LRRC9: variants seen among roughly 807,000 people sequenced by gnomAD.
LRRC9 encodes leucine-rich repeat-containing protein 9.
In LRRC9, 122 loss-of-function variants were observed where a neutral mutation model predicts 63.2. The observed-to-expected ratio is 1.93, with a 90% CI of 1.67 to 2.24. The LOEUF (loss-of-function observed/expected upper bound fraction) is 2.24, where lower values mean the gene tolerates loss of function less well. Ranked by LOEUF, LRRC9 falls within the 30% of genes most tolerant of loss-of-function variation. LRRC9 has a pLI of 0.00. For missense variants in LRRC9, 1,071 were observed against 627.7 expected, an observed-to-expected ratio of 1.71 and a Z score of -7.55; for synonymous variants, 366 against 213.1, an observed-to-expected ratio of 1.72 and a Z score of -6.25.
intron 29 of LRRC9, among the ~76,000 whole-genome samples, chr14:60,043,395 A>C (rs946454841): frequency 6.6e-6 from 1 of 152,124 alleles, no homozygotes; most frequent in African/African-American, 2.4e-5. Flanking sequence ...AAAGGCCTTC[A>C]ATTTTTCCCT....
At chr14:60,045,349 T>A (rs1893327671) in intron 29 of LRRC9, among the ~76,000 whole-genome samples, 1 of 152,184 alleles carries the variant, frequency 6.6e-6, no homozygotes, top group African/African-American at 2.4e-5. Flanking sequence ...CCATGGTAGT[T>A]TGCTGCACAG....
chr14:59,998,766 T>C (rs1288002582), intron 18 of LRRC9, among the ~76,000 whole-genome samples: 2 of 152,078 alleles, frequency 1.3e-5, no homozygotes, highest in South Asian at 2.1e-4. Context: ...TAAAGATCCA[T>C]ATTGAATCAC....
intron 10 of LRRC9, among the ~76,000 whole-genome samples, chr14:59,965,799 C>A (rs1235855874): frequency 7.2e-6 from 1 of 138,476 alleles, no homozygotes; most frequent in Non-Finnish European, 1.5e-5. Context: ...AGGAGAATGG[C>A]GTGAACCCGG....
At chr14:60,064,583 T>C (rs916184311), downstream of LRRC9, among the ~76,000 whole-genome samples, 12 of 152,336 alleles carry the variant, frequency 7.9e-5, no homozygotes, top group Middle Eastern at 6.8e-3. Flanking sequence ...TAATTACAGA[T>C]TGATTTTGCT....
At chr14:59,975,054 C>CATATATA (rs1885989969) in intron 13 of LRRC9, among the ~76,000 whole-genome samples, 1 of 18,712 alleles carries the variant, frequency 5.3e-5, no homozygotes, top group Non-Finnish European at 2.8e-4. Flanking sequence ...TATATATATG[C>CATATATA]TGAACTAAAC....
intron 1 of LRRC9, among the ~76,000 whole-genome samples, chr14:59,924,608 G>A (rs560673023): frequency 6.7e-4 from 102 of 152,094 alleles, no homozygotes; most frequent in South Asian, 1.2e-3. Context: ...CCCTGCTTTT[G>A]CTCCAAACCC....
In LRRC9 at chr14:60,050,701, T is replaced by C. The variant is rs139048303; in HGVS notation, c.3991-2364T>C. On this transcript the variant is annotated intron_variant, in intron 29 of 31. Coordinates refer to ENST00000445360, the Ensembl canonical transcript of LRRC9. ...TTTGCATTGATTTTTTTCTCATTTT[T>C]AGGGGCTTATCTACCTTCAATCTTT... is the stretch of plus-strand genomic sequence containing the variant. Among the ~76,000 whole-genome samples the C allele has an allele frequency of 5.0e-3, 763 of 152,306 alleles. 14 individuals are homozygous for C. Among genetic ancestry groups the C allele is most frequent in the African/African-American group, 0.017 (723 of 41,558 alleles).
chr14:60,010,259 G>A (rs188953318), intron 23 of LRRC9, among the ~76,000 whole-genome samples: 25 of 152,324 alleles, frequency 1.6e-4, no homozygotes, highest in Middle Eastern at 3.4e-3. Context: ...CTAGGTGGAG[G>A]TTCCCAAACC....
chr14:59,954,177 G>A (rs571484458), intron 8 of LRRC9, among the ~76,000 whole-genome samples: 1 of 152,276 alleles, frequency 6.6e-6, no homozygotes, highest in African/African-American at 2.4e-5. Flanking sequence ...ATTTAAAGTA[G>A]TTTGTTTCTA....
chr14:59,978,224 T>A, intron 15 of LRRC9, 92 bp downstream of exon 15: 1 of 644,606 alleles, frequency 1.6e-6, no homozygotes, highest in Non-Finnish European at 2.8e-6. Flanking sequence ...TATGTCAAGT[T>A]TATATTATGT....
At chr14:59,944,440 T>C (rs956621109) in intron 7 of LRRC9, 149 bp from the exon 8 acceptor site, 3 of 389,462 alleles carry the variant, frequency 7.7e-6, no homozygotes, top group Admixed American at 4.5e-5. Context: ...TGTGTAGCCA[T>C]TGTCACTCCA....
chr14:60,019,874 G>A (rs1291166921), intron 26 of LRRC9, among the ~76,000 whole-genome samples: 2 of 150,736 alleles, frequency 1.3e-5, no homozygotes, highest in Non-Finnish European at 3.0e-5. Context: ...TCATATATAT[G>A]ATATATATAT....
At chr14:59,981,757 A>G (rs1886951522) in intron 15 of LRRC9, 91 bp from the exon 16 acceptor site, 2 of 620,722 alleles carry the variant, frequency 3.2e-6, no homozygotes, top group African/African-American at 3.7e-5. Flanking sequence ...ATAACTAAAA[A>G]TGTCAACTCA....
intron 17 of LRRC9, among the ~76,000 whole-genome samples, chr14:59,992,623 T>C (rs1021318962): frequency 1.5e-4 from 23 of 152,058 alleles, no homozygotes; most frequent in Non-Finnish European, 1.5e-5. Context: ...AAGGACCTGA[T>C]GGAGCTGAAA....
chr14:59,975,417 T>C (rs1382631685), intron 13 of LRRC9, among the ~76,000 whole-genome samples: 1 of 151,908 alleles, frequency 6.6e-6, no homozygotes, highest in Non-Finnish European at 1.5e-5. Context: ...GATAATTCAT[T>C]CATAGTTACC....
At chr14:60,011,031 G>A (rs1450051173) in intron 23 of LRRC9, among the ~76,000 whole-genome samples, 1 of 152,072 alleles carries the variant, frequency 6.6e-6, no homozygotes, top group East Asian at 1.9e-4. Flanking sequence ...CACATTTTTG[G>A]GTATCTTTAC....
chr14:59,987,330 A>G (rs74059398), intron 17 of LRRC9, among the ~76,000 whole-genome samples: 1,640 of 150,812 alleles, frequency 0.011, 34 homozygotes, highest in African/African-American at 0.038. Flanking sequence ...TTTGGCAACC[A>G]GTTACATTAT....
chr14:59,960,086 G>A (rs1045140260), intron 9 of LRRC9, 72 bp downstream of exon 9: 5 of 572,452 alleles, frequency 8.7e-6, no homozygotes, highest in Non-Finnish European at 1.5e-5. Context: ...GCCATCAGTT[G>A]ACCCTAGTTC....
intron 8 of LRRC9, among the ~76,000 whole-genome samples, chr14:59,953,854 G>T (rs182426409): frequency 6.6e-6 from 1 of 152,068 alleles, no homozygotes; most frequent in African/African-American, 2.4e-5. Context: ...TTAAGGAAGG[G>T]GTCCAGTTTC....
Sources: gnomAD v4.1 joint callset for allele counts (sites outside exome capture counted in the v4.1 genomes callset) on GRCh38, gnomAD v4.1.1 for gene constraint, MANE v1.5 for transcripts, NCBI Gene and HGNC (gene_info 2026-07-23, HGNC 2026-07-21) for gene names.